Variants in FBXO47 observed in about 807,000 individuals in gnomAD.
FBXO47 encodes the protein F-box protein 47.
Under a neutral mutation model 53.9 loss-of-function variants are expected in FBXO47, and 34 were observed. The observed-to-expected ratio is 0.63, with a 90% CI of 0.48 to 0.84. The LOEUF is 0.84. Among genes scored for constraint, FBXO47 ranks in the 40% least tolerant of loss-of-function variants. FBXO47 has a pLI of 0.00. For synonymous variants in FBXO47, 165 were observed against 181.6 expected, an observed-to-expected ratio of 0.91 and a Z score of 0.73; for missense variants, 485 against 541.3, an observed-to-expected ratio of 0.90 and a Z score of 1.03.
At chr17:38,947,770 T>A (rs189107343) in intron 6 of FBXO47, among the ~76,000 whole-genome samples, 1 of 151,898 alleles carries the variant, frequency 6.6e-6, no homozygotes, top group Admixed American at 6.6e-5. Flanking sequence ...ATTAGCCGGG[T>A]GTGGTGGCGG....
intron 6 of FBXO47, 42 bp downstream of exon 6, chr17:38,951,539 A>G: frequency 1.4e-6 from 2 of 1,394,778 alleles, no homozygotes; most frequent in South Asian, 1.3e-5. Flanking sequence ...TATTTTTTCT[A>G]TTTTAATCTC....
intron 2 of FBXO47, 94 bp from the exon 3 acceptor site, chr17:38,962,141 C>A: frequency 2.1e-6 from 2 of 947,184 alleles, no homozygotes; most frequent in Non-Finnish European, 1.5e-6. Context: ...TTAACTCAAT[C>A]GTCATCATTA....
At chr17:38,945,262 T>C (rs1045454846) in intron 6 of FBXO47, 126 bp from the exon 7 acceptor site, 14 of 645,218 alleles carry the variant, frequency 2.2e-5, no homozygotes, top group Non-Finnish European at 3.5e-5. Context: ...AAACAGGAAG[T>C]AACCAAGAGA....
At chr17:38,938,810 A>G in intron 9 of FBXO47, 78 bp from the exon 10 acceptor site, 2 of 1,157,978 alleles carry the variant, frequency 1.7e-6, no homozygotes, top group Non-Finnish European at 2.4e-6. Flanking sequence ...ACAATGATGA[A>G]TAATTATAGT....
At chr17:38,954,957 C>A in intron 4 of FBXO47, 24 bp from the exon 5 acceptor site, 1 of 1,512,860 alleles carries the variant, frequency 6.6e-7, no homozygotes, top group Non-Finnish European at 9.1e-7. Context: ...AATGTTAATA[C>A]CTCCTTGTCA....
intron 1 of FBXO47, among the ~76,000 whole-genome samples, chr17:38,966,127 T>C (rs2143981766): frequency 6.6e-6 from 1 of 152,328 alleles, no homozygotes; most frequent in Admixed American, 6.5e-5. Flanking sequence ...TGGCTATGTG[T>C]CATTCCACCA....
intron 1 of FBXO47, among the ~76,000 whole-genome samples, chr17:38,963,422 C>T (rs1376478884): frequency 4.6e-5 from 7 of 152,144 alleles, no homozygotes. Context: ...GGTGATCTGC[C>T]CTCCTCAGCC....
rs34354922 is a variant in FBXO47, at chr17:38,959,624, TTGTGTGTGTGTG to T, written c.352+2241_352+2252del. Among the ~76,000 whole-genome samples the T allele has an allele frequency of 1.7e-4, 22 of 126,250 alleles. No individual in the cohort carries two copies. The South Asian group carries it at 3.7e-3, about 21-fold the overall frequency. 82.8% of individuals were successfully genotyped at this position (126,250 alleles called of 152,430 possible). On this transcript the variant is annotated intron_variant, in intron 3 of 10. Transcript: ENST00000378079. Reference sequence around the variant, plus strand: ...AAAAAGAAAATTATTCTTCAAAGCATTGTGTGTGTGTGTGTGTGTGTGTGTGTGTGTGTATGA... The same window carrying T: ...AAAAAGAAAATTATTCTTCAAAGCATTGTGTGTGTGTGTGTGTGTGTATGA...
At chr17:38,939,713 T>G (rs1904423682) in intron 9 of FBXO47, among the ~76,000 whole-genome samples, 1 of 133,262 alleles carries the variant, frequency 7.5e-6, no homozygotes, top group African/African-American at 2.9e-5. Flanking sequence ...CAGGCCGGAC[T>G]GCGGACTGCA....
rs1386389086 is a variant in FBXO47 at position 38,962,025 on chromosome 17, G to A, written c.204C>T (p.Ser68=). ...YLSVKDISML[S]MVSKTVSQHI... ...GTTGGCTGACTGTTTTGGACACCAT[G>A]CTTAGCATGCTGATATCCTTCACTA... The change falls in exon 3 of 11, where the codon AGC becomes AGT. Residue 68 remains serine (S), a synonymous_variant. Coordinates refer to ENST00000378079, the MANE Select transcript of FBXO47 (RefSeq NM_001008777.3). 3 of 1,612,280 alleles carry A rather than the reference G, an allele frequency of 1.9e-6. No individual in the cohort carries two copies. The highest frequency in any genetic ancestry group is 2.7e-5 in the African/African-American group (2 of 74,804).
rs1051938457 is a variant in FBXO47, at chr17:38,937,162, G to T, written c.*13C>A. ...TTCAGTGACGTTCTCTAAAGGCAAG[G>T]CTTTCTGAGGATTTAGGTAGACAGA... is the stretch of plus-strand genomic sequence containing the variant. On this transcript the variant is annotated 3_prime_UTR_variant, in exon 11 of 11. Coordinates refer to ENST00000378079, the MANE Select transcript of FBXO47 (RefSeq NM_001008777.3). 6 of 1,252,058 alleles carry T rather than the reference G, an allele frequency of 4.8e-6. No individual in the cohort carries two copies. Among genetic ancestry groups the T allele is most frequent in the Admixed American group, 1.9e-5 (1 of 53,524 alleles). The allele number at this position is 1,252,058 out of a possible 1,614,324, so 77.6% of individuals were successfully genotyped here.
chr17:38,939,293 C>CAA lies in FBXO47; in HGVS notation c.1084-563_1084-562dup, dbSNP rs1218321299. Among the ~76,000 whole-genome samples, 308 of 34,858 alleles carry CAA rather than the reference C, an allele frequency of 8.8e-3. 27 individuals are homozygous for CAA. Among genetic ancestry groups the CAA allele is most frequent in the Admixed American group, 0.038 (55 of 1,466 alleles). The allele number at this position is 34,858 out of a possible 152,430, so 22.9% of individuals were successfully genotyped here. On this transcript the variant is annotated intron_variant, in intron 9 of 10. Coordinates refer to ENST00000378079, the MANE Select transcript of FBXO47 (RefSeq NM_001008777.3). ...GGGGGACAGAGCCAGACTCCATCTC[C>CAA]AAAAAAAAAAAAAAAAAAAAAAAAA...
intron 6 of FBXO47, among the ~76,000 whole-genome samples, chr17:38,947,085 TATATATAAAC>T (rs1346150294): frequency 8.8e-6 from 1 of 113,934 alleles, no homozygotes; most frequent in African/African-American, 3.3e-5. Context: ...TATATAAACA[TATATATAAAC>T]ATATATATAA....
At chr17:38,952,553 T>C (rs1216681653) in intron 5 of FBXO47, among the ~76,000 whole-genome samples, 1 of 152,092 alleles carries the variant, frequency 6.6e-6, no homozygotes, top group Non-Finnish European at 1.5e-5. Flanking sequence ...TCTCACTATG[T>C]TGCCCAGGCT....
At chr17:38,956,310 G>A (rs1281821124) in intron 4 of FBXO47, among the ~76,000 whole-genome samples, 2 of 151,920 alleles carry the variant, frequency 1.3e-5, no homozygotes, top group Admixed American at 1.3e-4. Flanking sequence ...AAAATTGGCT[G>A]GGCAAGGTGG....
At chr17:38,961,790 T>G in intron 3 of FBXO47, 87 bp downstream of exon 3, 1 of 1,185,672 alleles carries the variant, frequency 8.4e-7, no homozygotes, top group Non-Finnish European at 1.2e-6. Flanking sequence ...ATATTCCATT[T>G]CCTACTGGCC....
At chr17:38,947,131 A>AAT (rs559228453) in intron 6 of FBXO47, among the ~76,000 whole-genome samples, 285 of 137,818 alleles carry the variant, frequency 2.1e-3, no homozygotes, top group Middle Eastern at 0.011. Flanking sequence ...CATATATATA[A>AAT]ATATATATAT....
At chr17:38,963,394 C>G (rs1334149195) in intron 1 of FBXO47, among the ~76,000 whole-genome samples, 7 of 152,128 alleles carry the variant, frequency 4.6e-5, no homozygotes, top group African/African-American at 1.7e-4. Flanking sequence ...CCAGGAAGGT[C>G]TCGAACTCCT....
chr17:38,957,917 TCCACCTC>T lies in FBXO47; in HGVS notation c.353-671_353-665del, dbSNP rs570267768. On this transcript the variant is annotated intron_variant, in intron 3 of 10. Transcript: ENST00000378079. Reference sequence around the variant, plus strand: ...GGCGTGATCTCCGCTCACTGCAACCTCCACCTCCCAGGTTCAAGTGATTCTCCTGCCT... The same window carrying T: ...GGCGTGATCTCCGCTCACTGCAACCTCCAGGTTCAAGTGATTCTCCTGCCT... Among the ~76,000 whole-genome samples the T allele has an allele frequency of 7.2e-5, 11 of 152,194 alleles. No homozygotes were observed. In the South Asian group the frequency reaches 2.1e-3, roughly 29 times the overall value.
Sources: gnomAD v4.1 joint callset for allele counts (sites outside exome capture counted in the v4.1 genomes callset) on GRCh38, gnomAD v4.1.1 for gene constraint, MANE v1.5 for transcripts, NCBI Gene and HGNC (gene_info 2026-07-23, HGNC 2026-07-21) for gene names.